UNC80: variants seen among roughly 807,000 people sequenced by gnomAD.
UNC80 encodes unc-80 subunit of NALCN channel complex.
UNC80 carries 164 observed loss-of-function variants against 384.6 expected under a neutral mutation model. The observed-to-expected ratio is 0.43, with a 90% confidence interval of 0.38 to 0.49. The LOEUF (loss-of-function observed/expected upper bound fraction) is 0.49. Ranked by LOEUF, UNC80 falls within the 20% of genes least tolerant of loss-of-function variation. UNC80 has a pLI of 0.00. For missense variants in UNC80, 3,330 were observed against 4,143.0 expected (o/e 0.80, Z 5.39); for synonymous variants, 1,486 against 1,527.8 (o/e 0.97, Z 0.64).
At chr2:209,921,773 ATGAGG>A (rs1397603872) in intron 34 of UNC80, 87 bp downstream of exon 34, 2 of 1,315,292 alleles carry the variant, frequency 1.5e-6, no homozygotes, top group African/African-American at 3.0e-5. Flanking sequence ...TTTATGTGAC[ATGAGG>A]TGATATGCCC....
intron 11 of UNC80, among the ~76,000 whole-genome samples, chr2:209,818,489 A>G (rs2079905175): frequency 6.6e-6 from 1 of 152,218 alleles, no homozygotes; most frequent in Non-Finnish European, 1.5e-5. Flanking sequence ...TCATAGAAGC[A>G]TAAATTTAGT....
chr2:209,834,289 GCGTA>G, intron 17 of UNC80, 121 bp downstream of exon 17: 1 of 1,127,890 alleles, frequency 8.9e-7, no homozygotes, highest in Non-Finnish European at 1.2e-6. Context: ...AAATTATCTT[GCGTA>G]AGTGGTTTCA....
intron 7 of UNC80, among the ~76,000 whole-genome samples, chr2:209,803,963 C>T (rs925788072): frequency 1.3e-5 from 2 of 152,146 alleles, no homozygotes; most frequent in African/African-American, 4.8e-5. Flanking sequence ...TCTTGAACCC[C>T]TGGCCTCAAG....
intron 53 of UNC80, among the ~76,000 whole-genome samples, chr2:209,970,524 C>G (rs923751342): frequency 6.6e-6 from 1 of 152,082 alleles, no homozygotes. Flanking sequence ...GAATGTTGAC[C>G]GCATTCCTTT....
At chr2:209,842,298 G>T in intron 20 of UNC80, 52 bp from the exon 21 acceptor site, 1 of 1,369,396 alleles carries the variant, frequency 7.3e-7, no homozygotes. Flanking sequence ...TAACCACAAA[G>T]ATTTACCTTT....
chr2:209,937,395 T>A, intron 41 of UNC80, 134 bp from the exon 42 acceptor site: 1 of 660,446 alleles, frequency 1.5e-6, no homozygotes, highest in Non-Finnish European at 2.6e-6. Context: ...CAGAGTGTTG[T>A]TTAGTACATT....
chr2:209,863,089 A>C (rs1335420015), intron 22 of UNC80, among the ~76,000 whole-genome samples: 5 of 152,152 alleles, frequency 3.3e-5, no homozygotes, highest in Admixed American at 3.3e-4. Context: ...TCCTTTGCTT[A>C]TAAAGCTTCA....
chr2:209,943,337 A>G, intron 44 of UNC80, 43 bp from the exon 45 acceptor site: 1 of 1,548,296 alleles, frequency 6.5e-7, no homozygotes, highest in Non-Finnish European at 8.7e-7. Context: ...CAACTTTGAT[A>G]CTTCATTAAG....
chr2:209,856,945 A>G (rs548416488), intron 22 of UNC80, among the ~76,000 whole-genome samples: 10 of 152,138 alleles, frequency 6.6e-5, no homozygotes, highest in East Asian at 1.9e-4. Flanking sequence ...ACCCGCCACC[A>G]TGCCTGGCTA....
At chr2:209,809,584 T>C (rs1414568139) in intron 7 of UNC80, 5 of 785,930 alleles carry the variant, frequency 6.4e-6, no homozygotes, top group Non-Finnish European at 1.1e-5. Flanking sequence ...TCGCTGACCC[T>C]AGAGGCTCCC....
intron 13 of UNC80, among the ~76,000 whole-genome samples, chr2:209,822,128 C>T (rs2080178361): frequency 6.6e-6 from 1 of 152,130 alleles, no homozygotes; most frequent in Non-Finnish European, 1.5e-5. Context: ...GGACTCTGAT[C>T]CAAATATCCT....
At position 209,954,232 on chromosome 2, in the gene UNC80, C is replaced by A; in HGVS notation, c.7419C>A (p.Ser2473=). The change falls in exon 48 of 65, where the codon TCC becomes TCA. Residue 2473 remains serine (S), a synonymous_variant. Transcript: ENST00000673920. The stretch of plus-strand genomic sequence containing the variant: ...CGGCCACTGCTGCTCTTGCGACGTC[C>A]CTACAGGCCCTTTTGTACAGTGTAG... The part of the protein sequence containing the change: ...EIAATAALAT[S]LQALLYSVEV... The A allele has an allele frequency of 6.4e-7, 1 of 1,550,954 alleles. No homozygotes were observed. The highest frequency in any genetic ancestry group is 8.7e-7 in the Non-Finnish European group (1 of 1,146,888).
At chr2:209,989,284 C>T (rs1200817336) in intron 61 of UNC80, among the ~76,000 whole-genome samples, 1 of 151,074 alleles carries the variant, frequency 6.6e-6, no homozygotes. Flanking sequence ...AAGATAGTGC[C>T]ACTTCACTCC....
chr2:209,826,014 C>A lies in UNC80; in HGVS notation c.2439C>A (p.Leu813=). ...AYGCGEGHRG[L]SGDRLRHQVF... ...GTTGTGGTGAAGGACACCGAGGGCT[C>A]TCTGGAGATCGTCTGAGACACCAGG... The change falls in exon 14 of 65, where the codon CTC becomes CTA. Residue 813 remains leucine (L), a synonymous_variant. Coordinates refer to ENST00000673920, the MANE Select transcript of UNC80 (RefSeq NM_001371986.1). 6.5e-7 allele frequency: 1 copy of A among 1,550,360 alleles called. No individual in the cohort carries two copies. The highest frequency in any genetic ancestry group is 2.4e-5 in the East Asian group (1 of 40,878).
chr2:209,778,589 G>A (rs2076993172), intron 4 of UNC80, among the ~76,000 whole-genome samples: 1 of 152,152 alleles, frequency 6.6e-6, no homozygotes, highest in Non-Finnish European at 1.5e-5. Context: ...TGAAATCACT[G>A]TGCCATCACT....
intron 21 of UNC80, among the ~76,000 whole-genome samples, chr2:209,848,834 G>A (rs2082329490): frequency 6.6e-6 from 1 of 152,102 alleles, no homozygotes; most frequent in South Asian, 2.1e-4. Context: ...ATCCTTGTAT[G>A]TGGTGCACTG....
intron 26 of UNC80, among the ~76,000 whole-genome samples, chr2:209,889,635 C>T (rs543133862): frequency 6.6e-6 from 1 of 152,290 alleles, no homozygotes; most frequent in African/African-American, 2.4e-5. Flanking sequence ...AATGCAATCA[C>T]TCCCATAGCC....
chr2:209,791,132 C>CATG (rs1468557385), intron 6 of UNC80, among the ~76,000 whole-genome samples: 1 of 152,158 alleles, frequency 6.6e-6, no homozygotes, highest in Non-Finnish European at 1.5e-5. Flanking sequence ...AATCCAGGCC[C>CATG]TCATGACTAA....
chr2:209,807,207 TA>T (rs1157631711), intron 7 of UNC80, among the ~76,000 whole-genome samples: 6 of 152,164 alleles, frequency 3.9e-5, no homozygotes, highest in Non-Finnish European at 2.9e-5. Flanking sequence ...TTTTCTTCAT[TA>T]TTTTTACATA....
Sources: gnomAD v4.1 joint callset for allele counts (sites outside exome capture counted in the v4.1 genomes callset) on GRCh38, gnomAD v4.1.1 for gene constraint, MANE v1.5 for transcripts, NCBI Gene and HGNC (gene_info 2026-07-23, HGNC 2026-07-21) for gene names.